Variants in TEX36 observed in about 807,000 individuals in gnomAD.
TEX36 encodes the protein testis expressed 36, also known as testis-expressed protein 36.
In TEX36, 12 loss-of-function variants were observed where a neutral mutation model predicts 13.6. That is an observed-to-expected ratio of 0.88 (90% confidence interval 0.56 to 1.43). TEX36 has a LOEUF of 1.43. Among genes scored for constraint, TEX36 ranks in the 40% most tolerant of loss-of-function variants. The probability of loss-of-function intolerance (pLI) is 0.00; values close to 1 mark genes in which losing one functional copy is unlikely to be tolerated. For missense variants in TEX36, 224 were observed against 228.3 expected, an observed-to-expected ratio of 0.98 and a Z score of 0.12; for synonymous variants, 93 against 83.0, an observed-to-expected ratio of 1.12 and a Z score of -0.65.
At chr10:125,619,544 G>A (rs921109282), downstream of TEX36, among the ~76,000 whole-genome samples, 32 of 152,126 alleles carry the variant, frequency 2.1e-4, no homozygotes, top group African/African-American at 7.5e-4. Flanking sequence ...GAAGTAATTT[G>A]TTTTTTGTTT....
At chr10:125,654,557 C>A (rs563311763), downstream of TEX36, among the ~76,000 whole-genome samples, 1 of 152,090 alleles carries the variant, frequency 6.6e-6, no homozygotes, top group South Asian at 2.1e-4. Context: ...GTTTACTTTA[C>A]AAGCTTATTC....
intron 3 of TEX36, among the ~76,000 whole-genome samples, chr10:125,585,028 G>A (rs1845926986): frequency 6.6e-6 from 1 of 152,158 alleles, no homozygotes; most frequent in South Asian, 2.1e-4. Context: ...CCTTAGGCAA[G>A]GATTAACCTG....
intron 3 of TEX36, among the ~76,000 whole-genome samples, chr10:125,582,815 G>A (rs1845899296): frequency 6.6e-6 from 1 of 152,122 alleles, no homozygotes; most frequent in Admixed American, 6.5e-5. Flanking sequence ...GACCAGGAAA[G>A]CATTTTAATA....
At chr10:125,617,042 G>A (rs954112007), downstream of TEX36, among the ~76,000 whole-genome samples, 4 of 152,126 alleles carry the variant, frequency 2.6e-5, no homozygotes, top group South Asian at 2.1e-4. Context: ...TTAAGTAATG[G>A]CCTTCTTTGT....
intron 3 of TEX36, among the ~76,000 whole-genome samples, chr10:125,635,164 T>G (rs944677993): frequency 5.3e-5 from 8 of 152,006 alleles, no homozygotes; most frequent in Non-Finnish European, 8.8e-5. Context: ...CAGCAAAGAG[T>G]CTTGCCAAGA....
chr10:125,588,700 C>A (rs1048135554), intron 3 of TEX36, among the ~76,000 whole-genome samples: 1 of 152,144 alleles, frequency 6.6e-6, no homozygotes, highest in Non-Finnish European at 1.5e-5. Flanking sequence ...CTGCAAACTC[C>A]GCCTCCCGGG....
At chr10:125,584,368 T>C (rs1190511663) in intron 3 of TEX36, among the ~76,000 whole-genome samples, 3 of 152,262 alleles carry the variant, frequency 2.0e-5, no homozygotes, top group Admixed American at 6.5e-5. Context: ...TTTTAATAAA[T>C]GTAGATAATT....
intron 3 of TEX36, among the ~76,000 whole-genome samples, chr10:125,594,360 AC>A (rs999305227): frequency 6.6e-6 from 1 of 152,236 alleles, no homozygotes; most frequent in African/African-American, 2.4e-5. Flanking sequence ...ACAGAAAAAA[AC>A]TGAATTCATA....
At chr10:125,681,501 A>T (rs1322571804) in intron 1 of TEX36, among the ~76,000 whole-genome samples, 1 of 152,216 alleles carries the variant, frequency 6.6e-6, no homozygotes, top group East Asian at 1.9e-4. Context: ...TTTGGCTGCC[A>T]GGGAACTCAG....
chr10:125,628,892 C>T (rs185613300), intron 3 of TEX36, among the ~76,000 whole-genome samples: 71 of 152,238 alleles, frequency 4.7e-4, no homozygotes, highest in East Asian at 2.3e-3. Context: ...GGACTGATGA[C>T]GCATGTGCCG....
downstream of TEX36, among the ~76,000 whole-genome samples, chr10:125,619,434 C>G (rs968231209): frequency 6.6e-6 from 1 of 152,120 alleles, no homozygotes. Flanking sequence ...CCCCTCTCCT[C>G]ATAGTAGAGG....
intron 1 of TEX36, chr10:125,667,159 G>T: frequency 1.5e-6 from 1 of 676,082 alleles, no homozygotes; most frequent in Admixed American, 1.8e-5. Flanking sequence ...CCCAGGGACA[G>T]CGGGGGGCAC....
intron 1 of TEX36, chr10:125,668,021 G>C: frequency 1.5e-6 from 1 of 688,378 alleles, no homozygotes; most frequent in Non-Finnish European, 2.6e-6. Flanking sequence ...GGAGGCCCTT[G>C]GTTGTCAACA....
At position 125,627,473 on chromosome 10, in the gene TEX36, GA is replaced by G. The variant is rs879607617; in HGVS notation, c.265-5829del. ...TTTAAGTCATGCTTAAAGTCATTCA[GA>G]AAAAAAAATCTATTAACTTAAGTTC... On this transcript the variant is annotated intron_variant, in intron 3 of 3. Transcript: ENST00000526819. Among the ~76,000 whole-genome samples the G allele has an allele frequency of 1.3e-4, 20 of 151,148 alleles. 1 individual carries two copies. The South Asian group carries it at 4.0e-3, about 30-fold the overall frequency.
chr10:125,580,043 A>C lies in TEX36; in HGVS notation c.265-3169T>G, dbSNP rs1845865828. On this transcript the variant is annotated intron_variant, in intron 3 of 3. Transcript: ENST00000532135. ...GAAAGTACCTGTTGGGTACTTAATA[A>C]ATATTAGTTGAATAAAAGAATAAAT... is the stretch of plus-strand genomic sequence containing the variant. 2.0e-5 allele frequency among the ~76,000 whole-genome samples: 3 copies of C among 152,240 alleles called. No homozygotes were observed. The South Asian group carries it at 6.2e-4, about 32-fold the overall frequency.
At chr10:125,633,729 G>A (rs562664197) in intron 3 of TEX36, among the ~76,000 whole-genome samples, 7 of 152,272 alleles carry the variant, frequency 4.6e-5, no homozygotes, top group South Asian at 2.1e-4. Flanking sequence ...GGAAAAGACC[G>A]TTGTTGGAAG....
intron 3 of TEX36, among the ~76,000 whole-genome samples, chr10:125,649,739 A>G (rs1025204105): frequency 1.3e-5 from 2 of 152,240 alleles, no homozygotes; most frequent in Non-Finnish European, 2.9e-5. Context: ...AGTGTGCTGT[A>G]TTCAGGAGAC....
intron 2 of TEX36, 110 bp downstream of exon 2, chr10:125,661,736 T>G: frequency 7.1e-7 from 1 of 1,414,100 alleles, no homozygotes; most frequent in Non-Finnish European, 9.5e-7. Context: ...CCAAGGATAG[T>G]AAATGCGCAG....
chr10:125,607,138 G>A (rs1016476517), intron 3 of TEX36, among the ~76,000 whole-genome samples: 1 of 152,150 alleles, frequency 6.6e-6, no homozygotes, highest in Admixed American at 6.5e-5. Flanking sequence ...TGGGCAGCAG[G>A]GAGAGCAAAC....
Sources: gnomAD v4.1 joint callset for allele counts (sites outside exome capture counted in the v4.1 genomes callset) on GRCh38, gnomAD v4.1.1 for gene constraint, MANE v1.5 for transcripts, NCBI Gene and HGNC (gene_info 2026-07-23, HGNC 2026-07-21) for gene names.